RBFOX1: variants seen among roughly 807,000 people sequenced by gnomAD.
RBFOX1 encodes RNA binding fox-1 homolog 1.
A neutral mutation model predicts 57.7 loss-of-function variants in RBFOX1; 8 were observed. The observed-to-expected ratio is 0.14, with a 90% CI of 0.08 to 0.25. The LOEUF is 0.25. Ranked by LOEUF, RBFOX1 falls within the 10% of genes least tolerant of loss-of-function variation. The probability of loss-of-function intolerance (pLI) is 1.00; values close to 1 mark genes in which losing one functional copy is unlikely to be tolerated. For missense variants in RBFOX1, 611 were observed against 548.5 expected (o/e 1.11, Z -1.14); for synonymous variants, 326 against 222.4 (o/e 1.47, Z -4.15).
intron 3 of RBFOX1, among the ~76,000 whole-genome samples, chr16:6,826,251 C>A (rs1051281333): frequency 1.3e-5 from 2 of 152,074 alleles, no homozygotes; most frequent in Non-Finnish European, 2.9e-5. Flanking sequence ...GTGCCTTGTA[C>A]CTGTAATCCC....
At chr16:7,595,803 T>G (rs1420896404) in intron 8 of RBFOX1, among the ~76,000 whole-genome samples, 162 bp downstream of exon 8, 1 of 149,464 alleles carries the variant, frequency 6.7e-6, no homozygotes, top group Non-Finnish European at 1.5e-5. Context: ...AAAACTGGCC[T>G]TACTTTTTTT....
intron 2 of RBFOX1, among the ~76,000 whole-genome samples, chr16:6,330,704 C>T (rs1033781071): frequency 2.0e-5 from 3 of 152,184 alleles, no homozygotes; most frequent in Non-Finnish European, 2.9e-5. Flanking sequence ...CTAGAGGAAA[C>T]AAATATTAGA....
intron 14 of RBFOX1, among the ~76,000 whole-genome samples, chr16:7,705,458 T>C (rs544998098): frequency 6.6e-6 from 1 of 152,250 alleles, no homozygotes; most frequent in Admixed American, 6.5e-5. Flanking sequence ...TGAGCCAAGA[T>C]TGTGCCACTG....
intron 5 of RBFOX1, among the ~76,000 whole-genome samples, chr16:7,567,269 A>ATATATATATATCCC (rs2091988052): frequency 8.9e-5 from 6 of 67,786 alleles, no homozygotes; most frequent in East Asian, 3.0e-4. Flanking sequence ...ATATATCCCT[A>ATATATATATATCCC]TATATATATC....
chr16:5,444,581 C>A (rs1270655269), intron 1 of RBFOX1, among the ~76,000 whole-genome samples: 1 of 152,100 alleles, frequency 6.6e-6, no homozygotes, highest in Admixed American at 6.5e-5. Context: ...GTACCTTCTC[C>A]CACATCCCAG....
At chr16:7,552,585 CA>C (rs937748297) in intron 5 of RBFOX1, among the ~76,000 whole-genome samples, 3 of 152,172 alleles carry the variant, frequency 2.0e-5, no homozygotes, top group African/African-American at 7.2e-5. Context: ...GCGGCAGAAG[CA>C]AAAACAAGAA....
chr16:6,093,102 T>A (rs1359994038), intron 1 of RBFOX1: 1 of 152,140 alleles, frequency 6.6e-6, no homozygotes, highest in Admixed American at 6.5e-5. Flanking sequence ...TTTGCTTCAT[T>A]TTGCAAGAAA....
chr16:7,252,966 G>C (rs949117254), intron 4 of RBFOX1, among the ~76,000 whole-genome samples: 1 of 152,116 alleles, frequency 6.6e-6, no homozygotes, highest in Non-Finnish European at 1.5e-5. Flanking sequence ...AAATAAGCAT[G>C]CACATATGTT....
intron 3 of RBFOX1, among the ~76,000 whole-genome samples, chr16:5,616,786 C>A (rs928225961): frequency 6.8e-6 from 1 of 147,972 alleles, no homozygotes; most frequent in South Asian, 2.3e-4. Context: ...TTTTCCTCCT[C>A]TTTCTCCTTC....
chr16:6,961,033 C>T (rs975528144), intron 3 of RBFOX1, among the ~76,000 whole-genome samples: 2 of 150,336 alleles, frequency 1.3e-5, no homozygotes, highest in African/African-American at 4.9e-5. Context: ...AGTCCAGCTA[C>T]TCAGGAGGCT....
In RBFOX1 at chr16:6,364,196, G is replaced by A. The variant is rs2534751; in HGVS notation, c.-64+47139G>A. ...GGAAAAATAGGACCTTTTTCAAATT[G>A]CATGCTTCGAAGATGCTGGCAGAAT... On this transcript the variant is annotated intron_variant, in intron 2 of 15. Transcript: ENST00000550418. Among the ~76,000 whole-genome samples, 751 of 152,262 alleles carry A rather than the reference G, an allele frequency of 4.9e-3. 13 individuals are homozygous for A. Among genetic ancestry groups the A allele is most frequent in the African/African-American group, 0.017 (698 of 41,560 alleles).
At chr16:5,990,380 T>C (rs1000148387) in intron 4 of RBFOX1, among the ~76,000 whole-genome samples, 3 of 152,202 alleles carry the variant, frequency 2.0e-5, no homozygotes, top group African/African-American at 2.4e-5. Flanking sequence ...TTATATACCA[T>C]AGGCTGAGCA....
At chr16:6,114,048 G>T (rs1043460480) in intron 1 of RBFOX1, among the ~76,000 whole-genome samples, 18 of 151,754 alleles carry the variant, frequency 1.2e-4, no homozygotes, top group African/African-American at 3.9e-4. Context: ...ATTATTTACC[G>T]TTCTTCCTAG....
At chr16:7,048,420 C>T (rs1272955839) in intron 3 of RBFOX1, among the ~76,000 whole-genome samples, 1 of 151,948 alleles carries the variant, frequency 6.6e-6, no homozygotes, top group East Asian at 1.9e-4. Flanking sequence ...TCGCCACACC[C>T]AGCTAATTTT....
Position 7,626,363 on chromosome 16 carries a change from T to C in RBFOX1, c.677-4240T>C, listed in dbSNP as rs77499759. 3.5e-3 allele frequency among the ~76,000 whole-genome samples: 530 copies of C among 152,360 alleles called. 4 individuals are homozygous for C. Among genetic ancestry groups the C allele is most frequent in the African/African-American group, 0.012 (508 of 41,588 alleles). The stretch of plus-strand genomic sequence containing the variant: ...GCAGAAAGGGTTCCGATGCCCCATC[T>C]GAGACCTTGGCACTGGCTTACTCCC... On this transcript the variant is annotated intron_variant, in intron 10 of 15. Transcript: ENST00000550418.
At chr16:5,331,437 G>T (rs183868703) in intron 1 of RBFOX1, among the ~76,000 whole-genome samples, 8 of 152,350 alleles carry the variant, frequency 5.3e-5, no homozygotes, top group Middle Eastern at 6.8e-3. Flanking sequence ...TCAGGTGGAG[G>T]CAGAAGGATT....
Position 7,052,052 on chromosome 16 carries a change from T to C in RBFOX1, c.-15-5T>C. 3.1e-6 allele frequency: 5 copies of C among 1,612,636 alleles called. No individual in the cohort carries two copies. The highest frequency in any genetic ancestry group is 1.3e-5 in the African/African-American group (1 of 75,022). ...CTTTTCCCCTTCATTTTCTTTTCTT[T>C]CTAGGTTTCAAGACAACAGATGAAT... is the stretch of plus-strand genomic sequence containing the variant. On this transcript the variant is annotated splice_region_variant and splice_polypyrimidine_tract_variant and intron_variant, in intron 3 of 15. Transcript: ENST00000550418.
chr16:7,533,450 C>T (rs559507661), intron 5 of RBFOX1, among the ~76,000 whole-genome samples: 1 of 152,274 alleles, frequency 6.6e-6, no homozygotes, highest in East Asian at 1.9e-4. Context: ...AGACCTATGT[C>T]ACTGCAGATG....
At chr16:6,900,341 A>T (rs528245290) in intron 3 of RBFOX1, among the ~76,000 whole-genome samples, 2 of 152,322 alleles carry the variant, frequency 1.3e-5, no homozygotes, top group Admixed American at 1.3e-4. Flanking sequence ...TGGAGCTACC[A>T]CAAAATCCTT....
Sources: gnomAD v4.1 joint callset for allele counts (sites outside exome capture counted in the v4.1 genomes callset) on GRCh38, gnomAD v4.1.1 for gene constraint, MANE v1.5 for transcripts, NCBI Gene and HGNC (gene_info 2026-07-23, HGNC 2026-07-21) for gene names.